The following UBR7 variants were observed in gnomAD, a reference collection of about 807,000 sequenced individuals.
The protein encoded by UBR7 is ubiquitin protein ligase E3 component n-recognin 7, also known as putative E3 ubiquitin-protein ligase UBR7.
In UBR7, 22 loss-of-function variants were observed where a neutral mutation model predicts 57.0. That is an observed-to-expected ratio of 0.39 (90% confidence interval 0.28 to 0.55). The LOEUF is 0.55. Among genes scored for constraint, UBR7 ranks in the 20% least tolerant of loss-of-function variants. The pLI is 0.69. For synonymous variants in UBR7, 167 were observed against 179.8 expected (o/e 0.93, Z 0.57); for missense variants, 395 against 513.2 (o/e 0.77, Z 2.23).
chr14:93,212,567 C>A (rs1404869320), intron 4 of UBR7, among the ~76,000 whole-genome samples: 1 of 152,190 alleles, frequency 6.6e-6, no homozygotes, highest in East Asian at 1.9e-4. Context: ...CCAGGCATAA[C>A]CACTGTTAAC....
chr14:93,211,616 C>T (rs1483840058), intron 3 of UBR7, among the ~76,000 whole-genome samples: 8 of 151,826 alleles, frequency 5.3e-5, no homozygotes, highest in Non-Finnish European at 1.0e-4. Context: ...AATCCCAACA[C>T]TTTGGGAGGC....
In UBR7 at chr14:93,226,924, C is replaced by G. The variant is rs373059518; in HGVS notation, c.1186-19C>G. On this transcript the variant is annotated intron_variant, in intron 10 of 10. Transcript: ENST00000013070. The stretch of plus-strand genomic sequence containing the variant: ...CTGTTACTTAGTTCTCTTTCATAAT[C>G]TTTGCTTTTCAAAAACAGGTTGTTA... 3.8e-6 allele frequency: 6 copies of G among 1,585,898 alleles called. No individual in the cohort carries two copies. In the African/African-American group the frequency reaches 8.1e-5, roughly 21 times the overall value.
intron 6 of UBR7, among the ~76,000 whole-genome samples, chr14:93,218,094 CA>C (rs33950162): frequency 2.1e-3 from 286 of 134,382 alleles, no homozygotes; most frequent in Non-Finnish European, 1.7e-3. Context: ...AACTCTATCT[CA>C]AAAAAAAAAA....
intron 10 of UBR7, chr14:93,223,711 G>T: frequency 1.1e-6 from 1 of 916,956 alleles, no homozygotes; most frequent in Non-Finnish European, 1.8e-6. Context: ...TTGATGGCCG[G>T]CCGGCTGGCG....
intron 1 of UBR7, among the ~76,000 whole-genome samples, chr14:93,208,635 CCAGATCAA>C (rs1894417721): frequency 6.6e-6 from 1 of 151,396 alleles, no homozygotes; most frequent in Non-Finnish European, 1.5e-5. Flanking sequence ...TTCCCACAAC[CCAGATCAA>C]CAAATAGAAC....
intron 10 of UBR7, among the ~76,000 whole-genome samples, chr14:93,226,245 T>C (rs1894845923): frequency 6.6e-6 from 1 of 152,228 alleles, no homozygotes; most frequent in South Asian, 2.1e-4. Flanking sequence ...CTTTATCTCT[T>C]TCCCTTTTTG....
chr14:93,219,951 G>C (rs1296986491), intron 8 of UBR7, among the ~76,000 whole-genome samples: 2 of 151,366 alleles, frequency 1.3e-5, no homozygotes, highest in East Asian at 3.9e-4. Context: ...CTCCAGCCTG[G>C]GCAACGAGTG....
At position 93,207,456 on chromosome 14, in the gene UBR7, C is replaced by T. The variant is rs1173519145; in HGVS notation, c.150+15C>T. 1 of 1,539,860 alleles carries T rather than the reference C, an allele frequency of 6.5e-7. No homozygotes were observed. The highest frequency in any genetic ancestry group is 2.1e-5 in the Admixed American group (1 of 48,672). ...CCTACTCTCAGGTGGGCGCGCGGCC[C>T]GGGCCTCCTCTCCCCCGGCTCCCGC... On this transcript the variant is annotated intron_variant, in intron 1 of 10. Coordinates refer to ENST00000013070, the MANE Select transcript of UBR7 (RefSeq NM_175748.4).
In UBR7 at chr14:93,223,778, T is replaced by G. The variant is rs1480375235; in HGVS notation, c.1185+1404T>G. 17 of 742,256 alleles carry G rather than the reference T, an allele frequency of 2.3e-5. 1 individual carries two copies. The highest frequency in any genetic ancestry group is 3.6e-5 in the Non-Finnish European group (15 of 412,196). 46.0% of individuals were successfully genotyped at this position (742,256 alleles called of 1,614,324 possible). A position where few individuals can be genotyped will look rare whatever the true frequency, so the allele number is the denominator to read the frequency against. On this transcript the variant is annotated intron_variant, in intron 10 of 10. Transcript: ENST00000013070. ...AGGATCTCGATGGAATGGGCCCAGG[T>G]GCGGTGCCAGGCGCCCATAGACCTC...
chr14:93,208,836 C>T (rs1364544974), intron 1 of UBR7, among the ~76,000 whole-genome samples: 1 of 152,010 alleles, frequency 6.6e-6, no homozygotes, highest in Non-Finnish European at 1.5e-5. Context: ...TCACTCTTGC[C>T]ACCCAGGCTG....
chr14:93,220,199 T>C (rs962185169), intron 8 of UBR7, 50 bp from the exon 9 acceptor site: 6 of 1,580,906 alleles, frequency 3.8e-6, no homozygotes, highest in Non-Finnish European at 4.3e-6. Context: ...TGATAAACAG[T>C]TCTAATGGGG....
At position 93,209,944 on chromosome 14, in the gene UBR7, C is replaced by G; in HGVS notation, c.271C>G (p.Leu91Val). The G allele has an allele frequency of 6.2e-7, 1 of 1,613,960 alleles. No homozygotes were observed. The highest frequency in any genetic ancestry group is 8.5e-7 in the Non-Finnish European group (1 of 1,179,966). The change falls in exon 2 of 11, where the codon CTA (leucine) becomes GTA (valine). Residue 91 changes from leucine (L) to valine (V), a missense_variant. Physicochemically the swap from Leu to Val is conservative, Grantham distance 32. Transcript: ENST00000013070. ...ECHGSHKLFE[L>V]YTKRNFRCDC... ...TCATGGAAGTCACAAACTATTTGAG[C>G]TATACACAAAAAGGTAAACATAGTC...
intron 7 of UBR7, among the ~76,000 whole-genome samples, 186 bp from the exon 8 acceptor site, chr14:93,219,026 G>A (rs577556290): frequency 6.6e-6 from 1 of 151,554 alleles, no homozygotes; most frequent in East Asian, 1.9e-4. Flanking sequence ...CTGCACTCTA[G>A]CCTGGGCAAC....
At position 93,212,549 on chromosome 14, in the gene UBR7, C is replaced by T. The variant is rs1894507157; in HGVS notation, c.441+422C>T. On this transcript the variant is annotated intron_variant, in intron 4 of 10. Transcript: ENST00000013070. ...CGAGTTCTTCCTCACTTCTGCACCT[C>T]TTACCTCCCAGGCATAACCACTGTT... Among the ~76,000 whole-genome samples, 2 of 152,228 alleles carry T rather than the reference C, an allele frequency of 1.3e-5. 1 individual carries two copies. Among genetic ancestry groups the T allele is most frequent in the South Asian group, 4.1e-4 (2 of 4,828 alleles).
intron 5 of UBR7, 62 bp downstream of exon 5, chr14:93,215,044 T>C (rs1231873721): frequency 5.4e-6 from 8 of 1,483,632 alleles, no homozygotes; most frequent in Non-Finnish European, 7.4e-6. Flanking sequence ...GGTTATATTT[T>C]ACATTATAAT....
intron 1 of UBR7, among the ~76,000 whole-genome samples, chr14:93,208,324 A>G (rs1386927584): frequency 6.6e-6 from 1 of 152,174 alleles, no homozygotes; most frequent in Non-Finnish European, 1.5e-5. Flanking sequence ...AACTGAGATC[A>G]TAATACCAGT....
intron 2 of UBR7, 58 bp downstream of exon 2, chr14:93,210,015 C>G (rs1224893116): frequency 1.3e-6 from 2 of 1,585,542 alleles, no homozygotes; most frequent in East Asian, 2.2e-5. Context: ...TCTTTCCCAT[C>G]TACACTTTTT....
At chr14:93,221,961 A>T (rs1269369) in intron 9 of UBR7, among the ~76,000 whole-genome samples, 114,462 of 152,090 alleles carry the variant, frequency 0.75, 44,219 homozygotes, top group African/African-American at 0.93. Flanking sequence ...AAAAAATAAA[A>T]TAAATTAAAT....
intron 7 of UBR7, 89 bp downstream of exon 7, chr14:93,218,824 G>A (rs1241954404): frequency 5.7e-5 from 79 of 1,377,296 alleles, no homozygotes; most frequent in Non-Finnish European, 1.1e-5. Context: ...GGGAGGCTGA[G>A]GTGGCGGATC....
Sources: allele counts gnomAD v4.1 joint callset (sites outside exome capture counted in the v4.1 genomes callset), GRCh38; gene constraint gnomAD v4.1.1; transcripts MANE v1.5; gene names NCBI Gene and HGNC (gene_info 2026-07-23, HGNC 2026-07-21).